Variants in SYPL2 observed in about 807,000 individuals in gnomAD.
The protein encoded by SYPL2 is synaptophysin-like protein 2.
SYPL2 carries 24 observed loss-of-function variants against 31.3 expected under a neutral mutation model. That is an observed-to-expected ratio of 0.77 (90% CI 0.56 to 1.08). SYPL2 has a LOEUF of 1.08. Ranked by LOEUF, SYPL2 falls within the 50% of genes least tolerant of loss-of-function variation. SYPL2 has a pLI of 0.00. For synonymous variants in SYPL2, 144 were observed against 143.1 expected (o/e 1.01, Z -0.05); for missense variants, 342 against 360.1 (o/e 0.95, Z 0.41).
intron 2 of SYPL2, chr1:109,475,249 G>A (rs1655959409): frequency 5.0e-6 from 1 of 200,990 alleles, no homozygotes; most frequent in South Asian, 1.6e-4. Context: ...AATTGCAGAG[G>A]TTTTGTGTTA....
chr1:109,469,982 C>CT (rs1231828334), intron 2 of SYPL2, among the ~76,000 whole-genome samples: 103 of 145,224 alleles, frequency 7.1e-4, no homozygotes, highest in East Asian at 1.6e-3. Context: ...AATATCAAAT[C>CT]TTTTTTTTTT....
At chr1:109,473,301 G>GA (rs1246613832) in intron 2 of SYPL2, among the ~76,000 whole-genome samples, 1 of 152,164 alleles carries the variant, frequency 6.6e-6, no homozygotes, top group Non-Finnish European at 1.5e-5. Context: ...GCATTGGAGG[G>GA]AGGTTTTACT....
rs1196765208 is a variant in SYPL2, at chr1:109,480,284, A to G, written c.*736A>G. On this transcript the variant is annotated 3_prime_UTR_variant, in exon 6 of 6. Transcript: ENST00000369872. The stretch of plus-strand genomic sequence containing the variant: ...CTTGCTGGCAGAATCAATTTCTTCT[A>G]TCCCCTCAATCCTCCCACCCACCAG... 6.6e-6 allele frequency: 1 copy of G among 152,178 alleles called. No homozygotes were observed. Among genetic ancestry groups the G allele is most frequent in the African/African-American group, 2.4e-5 (1 of 41,434 alleles). 9.4% of individuals were successfully genotyped at this position (152,178 alleles called of 1,614,324 possible). A position where few individuals can be genotyped will look rare whatever the true frequency, so the allele number is the denominator to read the frequency against.
chr1:109,477,851 T>C lies in SYPL2; in HGVS notation c.490T>C (p.Trp164Arg). 1.9e-5 allele frequency: 31 copies of C among 1,613,094 alleles called. No individual in the cohort carries two copies. Among genetic ancestry groups the C allele is most frequent in the Non-Finnish European group, 2.6e-5 (31 of 1,179,394 alleles). The change falls in exon 5 of 6, where the codon TGG becomes CGG. Residue 164 changes from tryptophan to arginine, a missense_variant. Coordinates refer to ENST00000369872, the MANE Select transcript of SYPL2 (RefSeq NM_001040709.2). ...TGTGACTGTCTCCTTCACCTTCTTCTGGCTGGTAGCTGCAGCTGCCTGGGG... is the reference window on the plus strand; with the variant it reads ...TGTGACTGTCTCCTTCACCTTCTTCCGGCTGGTAGCTGCAGCTGCCTGGGG... Reference protein sequence around the residue: ...FCVTVSFTFFWLVAAAAWGKG... With the variant: ...FCVTVSFTFFRLVAAAAWGKG...
chr1:109,466,808 A>G lies in SYPL2; in HGVS notation c.-36A>G, dbSNP rs1327087449. On this transcript the variant is annotated 5_prime_UTR_variant, in exon 1 of 6. Transcript: ENST00000369872. ...CCGCCGCCTCCCGGCCAGAGAGCCAAGCCACCACGCCGCGCCCAGCGCTCG... is the reference window on the plus strand; with the variant it reads ...CCGCCGCCTCCCGGCCAGAGAGCCAGGCCACCACGCCGCGCCCAGCGCTCG... 3.3e-6 allele frequency: 5 copies of G among 1,505,388 alleles called. No homozygotes were observed. The highest frequency in any genetic ancestry group is 3.5e-6 in the Non-Finnish European group (4 of 1,135,034). The allele number at this position is 1,505,388 out of a possible 1,614,324, so 93.3% of individuals were successfully genotyped here.
chr1:109,480,554 G>A lies in SYPL2; in HGVS notation c.*1006G>A, dbSNP rs1571068280. The A allele has an allele frequency of 6.6e-6, 1 of 152,470 alleles. No homozygotes were observed. Among genetic ancestry groups the A allele is most frequent in the African/African-American group, 2.4e-5 (1 of 41,548 alleles). The allele number at this position is 152,470 out of a possible 1,614,324, so 9.4% of individuals were successfully genotyped here. A position where few individuals can be genotyped will look rare whatever the true frequency, so the allele number is the denominator to read the frequency against. On this transcript the variant is annotated 3_prime_UTR_variant, in exon 6 of 6. Transcript: ENST00000369872. ...GTGGGGCCAGACAGGGGCTTAGGAA[G>A]GGCCAAAGGACCATCATGAGGCTAA...
rs1656163569 is a variant in SYPL2 at position 109,481,611 on chromosome 1, T to C, written c.*2063T>C. 6.6e-6 allele frequency: 1 copy of C among 152,098 alleles called. No homozygotes were observed. Among genetic ancestry groups the C allele is most frequent in the Non-Finnish European group, 1.5e-5 (1 of 68,026 alleles). 9.4% of individuals were successfully genotyped at this position (152,098 alleles called of 1,614,324 possible). A position where few individuals can be genotyped will look rare whatever the true frequency, so the allele number is the denominator to read the frequency against. On this transcript the variant is annotated 3_prime_UTR_variant, in exon 6 of 6. Coordinates refer to ENST00000369872, the MANE Select transcript of SYPL2 (RefSeq NM_001040709.2). ...GCGGGCAGGGGGTGGGGGGAGATTA[T>C]ATTCACTCCTGCCAAGGACTCCCAG...
Position 109,476,874 on chromosome 1 carries a change from T to C in SYPL2, c.353T>C (p.Phe118Ser). 6.2e-7 allele frequency: 1 copy of C among 1,614,196 alleles called. No individual in the cohort carries two copies. Among genetic ancestry groups the C allele is most frequent in the Non-Finnish European group, 8.5e-7 (1 of 1,180,032 alleles). Reference protein sequence around the residue: ...MGDFSAPAEFFVTLGIFSFFY... With the variant: ...MGDFSAPAEFSVTLGIFSFFY... ...GACTTCTCTGCACCCGCCGAGTTCT[T>C]CGTGACCCTTGGCATCTTTTCCTTC... The change falls in exon 4 of 6, where the codon TTC (phenylalanine) becomes TCC (serine). Residue 118 changes from phenylalanine (F) to serine (S), a missense_variant. Transcript: ENST00000369872.
In SYPL2 at chr1:109,466,872, C is replaced by T. The variant is rs1326099400; in HGVS notation, c.29C>T (p.Thr10Met). The T allele has an allele frequency of 5.9e-6, 9 of 1,528,998 alleles. No individual in the cohort carries two copies. Among genetic ancestry groups the T allele is most frequent in the Non-Finnish European group, 8.7e-7 (1 of 1,143,846 alleles). 94.7% of individuals were successfully genotyped at this position (1,528,998 alleles called of 1,614,324 possible). The change falls in exon 1 of 6, where the codon ACG becomes ATG. Residue 10 changes from threonine to methionine, a missense_variant. Physicochemically the swap from Thr to Met is moderately conservative, Grantham distance 81. Transcript: ENST00000369872. Reference sequence around the variant, plus strand: ...TCCTCGACCGAGAGCGCCGGCCGCACGGCGGACAAGTCGCCGCGCCAGCAG... The same window carrying T: ...TCCTCGACCGAGAGCGCCGGCCGCATGGCGGACAAGTCGCCGCGCCAGCAG... MSSTESAGR[T>M]ADKSPRQQVD...
chr1:109,478,146 C>T lies in SYPL2; in HGVS notation c.648+137C>T. 1 of 1,445,660 alleles carries T rather than the reference C, an allele frequency of 6.9e-7. No homozygotes were observed. The highest frequency in any genetic ancestry group is 9.1e-7 in the Non-Finnish European group (1 of 1,101,848). 89.6% of individuals were successfully genotyped at this position (1,445,660 alleles called of 1,614,324 possible). A position where few individuals can be genotyped will look rare whatever the true frequency, so the allele number is the denominator to read the frequency against. On this transcript the variant is annotated intron_variant, in intron 5 of 5. Coordinates refer to ENST00000369872, the MANE Select transcript of SYPL2 (RefSeq NM_001040709.2). The surrounding 1 kb of genome is among the most constrained non-coding windows in gnomAD (Gnocchi z 4.0). ...ACCTGGAGCTGGTGCCCTCACTGCGCTTCATGCTGGCTGCTGGCTCCTGGC... is the reference window on the plus strand; with the variant it reads ...ACCTGGAGCTGGTGCCCTCACTGCGTTTCATGCTGGCTGCTGGCTCCTGGC...
intron 3 of SYPL2, 150 bp from the exon 4 acceptor site, chr1:109,476,626 T>G: frequency 1.3e-6 from 1 of 753,530 alleles, no homozygotes; most frequent in Non-Finnish European, 2.1e-6. Context: ...CCATCTTAAC[T>G]GCAAGGTTCC....
chr1:109,471,618 TTGGC>T (rs1655836417), intron 2 of SYPL2, among the ~76,000 whole-genome samples: 1 of 152,246 alleles, frequency 6.6e-6, no homozygotes, highest in African/African-American at 2.4e-5. Flanking sequence ...TTTTGCCATG[TTGGC>T]CAGGCTGGTC....
chr1:109,472,321 C>T (rs894199401), intron 2 of SYPL2, among the ~76,000 whole-genome samples: 4 of 151,966 alleles, frequency 2.6e-5, no homozygotes, highest in African/African-American at 9.7e-5. Context: ...TAGTCTCAAA[C>T]TCCTGGGCTC....
intron 2 of SYPL2, among the ~76,000 whole-genome samples, chr1:109,468,119 G>A (rs898507912): frequency 6.6e-6 from 1 of 152,226 alleles, no homozygotes; most frequent in Non-Finnish European, 1.5e-5. Flanking sequence ...ATGTGGACAG[G>A]TGCAGTCAAT....
In SYPL2 at chr1:109,477,084, G is replaced by A. The variant is rs1656023968; in HGVS notation, c.456+107G>A. ...CAAGCATGGCGGCTTCCACCCCCAT[G>A]GTGGAACCTCTGCCTCCATCAACCT... On this transcript the variant is annotated intron_variant, in intron 4 of 5. Coordinates refer to ENST00000369872, the MANE Select transcript of SYPL2 (RefSeq NM_001040709.2). The A allele has an allele frequency of 3.7e-6, 5 of 1,351,476 alleles. No homozygotes were observed. In the South Asian group the frequency reaches 6.4e-5, roughly 17 times the overall value. 83.7% of individuals were successfully genotyped at this position (1,351,476 alleles called of 1,614,324 possible). A position where few individuals can be genotyped will look rare whatever the true frequency, so the allele number is the denominator to read the frequency against.
At chr1:109,469,019 A>G (rs866327363) in intron 2 of SYPL2, among the ~76,000 whole-genome samples, 1 of 152,244 alleles carries the variant, frequency 6.6e-6, no homozygotes, top group African/African-American at 2.4e-5. Flanking sequence ...TTCACAGGGT[A>G]GCATCACAAA....
At chr1:109,472,020 T>C (rs968627931) in intron 2 of SYPL2, among the ~76,000 whole-genome samples, 3 of 152,138 alleles carry the variant, frequency 2.0e-5, no homozygotes, top group African/African-American at 7.2e-5. Context: ...TTTTATTTAA[T>C]TTAATTCTGA....
At chr1:109,469,854 G>T (rs1331596755) in intron 2 of SYPL2, among the ~76,000 whole-genome samples, 3 of 135,496 alleles carry the variant, frequency 2.2e-5, no homozygotes, top group African/African-American at 8.3e-5. Flanking sequence ...AAAAAAAAAG[G>T]AAAATAAAAC....
At chr1:109,470,819 G>A (rs934865117) in intron 2 of SYPL2, among the ~76,000 whole-genome samples, 1 of 152,188 alleles carries the variant, frequency 6.6e-6, no homozygotes, top group African/African-American at 2.4e-5. Flanking sequence ...CCAAGGCACA[G>A]AGCTACTCCT....
Sources: allele counts gnomAD v4.1 joint callset (sites outside exome capture counted in the v4.1 genomes callset), GRCh38; gene constraint gnomAD v4.1.1; non-coding constraint Gnocchi (gnomAD v3.1); transcripts MANE v1.5; gene names NCBI Gene and HGNC (gene_info 2026-07-23, HGNC 2026-07-21).